FAM47E: variants seen among roughly 807,000 people sequenced by gnomAD.
FAM47E encodes protein FAM47E.
A neutral mutation model predicts 41.6 loss-of-function variants in FAM47E; 32 were observed. The ratio of observed to expected loss-of-function variants is 0.77; its 90% CI spans 0.58 to 1.03. The LOEUF (loss-of-function observed/expected upper bound fraction) is 1.03, where lower values mean the gene tolerates loss of function less well. Ranked by LOEUF, FAM47E falls within the 50% of genes least tolerant of loss-of-function variation. FAM47E has a pLI of 0.00. For missense variants in FAM47E, 424 were observed against 485.4 expected, an observed-to-expected ratio of 0.87 and a Z score of 1.19; for synonymous variants, 184 against 188.7, an observed-to-expected ratio of 0.98 and a Z score of 0.20.
chr4:76,266,807 A>C (rs981809142), intron 3 of FAM47E, among the ~76,000 whole-genome samples: 2 of 152,012 alleles, frequency 1.3e-5, no homozygotes, highest in African/African-American at 4.8e-5. Flanking sequence ...CTACTCTTTA[A>C]TTACTCCGCT....
chr4:76,231,827 A>G (rs1440047180), intron 2 of FAM47E, among the ~76,000 whole-genome samples: 1 of 152,222 alleles, frequency 6.6e-6, no homozygotes, highest in Non-Finnish European at 1.5e-5. Flanking sequence ...TTTACTGACC[A>G]TAGGAACCCT....
At chr4:76,256,136 A>T in intron 1 of FAM47E, 42 bp from the exon 2 acceptor site, 1 of 1,528,314 alleles carries the variant, frequency 6.5e-7, no homozygotes, top group Non-Finnish European at 8.8e-7. Flanking sequence ...ATGAACAGGC[A>T]TGTGGTATTC....
intron 6 of FAM47E, chr4:76,279,468 G>A (rs1735259777): frequency 6.6e-6 from 1 of 152,104 alleles, no homozygotes; most frequent in Non-Finnish European, 1.5e-5. Context: ...TGGTTACAGT[G>A]AGCTAATAAA....
At chr4:76,224,077 C>T (rs1330331494) in intron 2 of FAM47E, among the ~76,000 whole-genome samples, 1 of 152,140 alleles carries the variant, frequency 6.6e-6, no homozygotes, top group Admixed American at 6.5e-5. Flanking sequence ...AGGTATTAAA[C>T]CAGAATGTGA....
At chr4:76,247,910 C>CTT (rs753751295), upstream of FAM47E, among the ~76,000 whole-genome samples, 240 of 86,822 alleles carry the variant, frequency 2.8e-3, 9 homozygotes, top group Middle Eastern at 0.015. Flanking sequence ...CACTCTCTCT[C>CTT]TTTTTTTTTT....
intron 2 of FAM47E, among the ~76,000 whole-genome samples, chr4:76,221,554 A>G (rs1013541985): frequency 6.6e-6 from 1 of 152,138 alleles, no homozygotes; most frequent in Non-Finnish European, 1.5e-5. Context: ...TCCTGACCTC[A>G]GGTGATCCAT....
At chr4:76,219,042 T>C (rs1212705225) in intron 2 of FAM47E, among the ~76,000 whole-genome samples, 4 of 152,234 alleles carry the variant, frequency 2.6e-5, no homozygotes, top group Non-Finnish European at 5.9e-5. Flanking sequence ...AAGGTATTAC[T>C]AAATCCAAGT....
chr4:76,232,397 C>T (rs750436471), intron 2 of FAM47E, among the ~76,000 whole-genome samples: 9 of 152,024 alleles, frequency 5.9e-5, no homozygotes, highest in African/African-American at 7.2e-5. Flanking sequence ...TACAGTTCTA[C>T]GGCTTATTCT....
At chr4:76,240,049 T>C (rs1289064763) in intron 2 of FAM47E, among the ~76,000 whole-genome samples, 1 of 152,242 alleles carries the variant, frequency 6.6e-6, no homozygotes, top group African/African-American at 2.4e-5. Context: ...CTGTGTTCTA[T>C]TCCATTGGTC....
intron 3 of FAM47E, among the ~76,000 whole-genome samples, chr4:76,265,997 C>T (rs556593696): frequency 8.9e-4 from 136 of 152,374 alleles, no homozygotes; most frequent in African/African-American, 3.0e-3. Flanking sequence ...CACCACTCCA[C>T]TGACCTGACC....
chr4:76,237,360 T>C (rs945011627), intron 2 of FAM47E, among the ~76,000 whole-genome samples: 3 of 112,236 alleles, frequency 2.7e-5, no homozygotes, highest in African/African-American at 1.0e-4. Context: ...AGTTTTTTTT[T>C]TTTTGTTTGT....
intron 2 of FAM47E, among the ~76,000 whole-genome samples, chr4:76,230,541 G>T (rs573084930): frequency 1.8e-4 from 28 of 152,238 alleles, no homozygotes; most frequent in Non-Finnish European, 3.5e-4. Context: ...AGCAGTTCCT[G>T]TTCAACACCT....
At chr4:76,256,770 T>C (rs1235378633) in intron 2 of FAM47E, among the ~76,000 whole-genome samples, 1 of 152,190 alleles carries the variant, frequency 6.6e-6, no homozygotes, top group African/African-American at 2.4e-5. Context: ...TTTACAAAGA[T>C]GCCACAAACC....
chr4:76,264,832 G>C (rs1220830268), intron 3 of FAM47E, among the ~76,000 whole-genome samples: 5 of 152,196 alleles, frequency 3.3e-5, no homozygotes, highest in African/African-American at 1.2e-4. Flanking sequence ...CTGGCCTCAA[G>C]TGATCTGCCC....
chr4:76,268,571 T>C (rs926733772), intron 3 of FAM47E, 89 bp from the exon 4 acceptor site: 1 of 1,349,376 alleles, frequency 7.4e-7, no homozygotes, highest in African/African-American at 1.5e-5. Context: ...ATACTTGCTT[T>C]ATGATTTCCT....
chr4:76,222,938 G>C (rs534044531), intron 2 of FAM47E, among the ~76,000 whole-genome samples: 152 of 152,260 alleles, frequency 1.0e-3, no homozygotes, highest in Non-Finnish European at 1.8e-3. Flanking sequence ...AGAGGCCCAG[G>C]TGAAGCCTCG....
At position 76,271,648 on chromosome 4, in the gene FAM47E, C is replaced by T. The variant is rs1335353790; in HGVS notation, c.750C>T (p.Leu250=). Reference sequence around the variant, plus strand: ...AGACCAAACCAAGCCATGATGCGCTCCACACGATGAAGCTAAATCAGGTTC... The same window carrying T: ...AGACCAAACCAAGCCATGATGCGCTTCACACGATGAAGCTAAATCAGGTTC... The part of the protein sequence containing the change: ...DYETKPSHDA[L]HTMKLNQVPL... The change falls in exon 5 of 8, where the codon CTC becomes CTT. Residue 250 remains leucine (L), a synonymous_variant. Transcript: ENST00000424749. 9.7e-6 allele frequency: 15 copies of T among 1,552,046 alleles called. No homozygotes were observed. In the East Asian group the frequency reaches 1.5e-4, roughly 15 times the overall value.
At chr4:76,223,271 G>A (rs1423176943) in intron 2 of FAM47E, among the ~76,000 whole-genome samples, 1 of 152,146 alleles carries the variant, frequency 6.6e-6, no homozygotes, top group Non-Finnish European at 1.5e-5. Context: ...ACAGTGCTTG[G>A]CCTGTGAAAG....
At chr4:76,254,681 T>C (rs1734115175) in intron 1 of FAM47E, among the ~76,000 whole-genome samples, 1 of 152,096 alleles carries the variant, frequency 6.6e-6, no homozygotes. Context: ...AGGATTAGAT[T>C]TGGTGTAAAA....
Sources: allele counts gnomAD v4.1 joint callset (sites outside exome capture counted in the v4.1 genomes callset), GRCh38; gene constraint gnomAD v4.1.1; transcripts MANE v1.5; gene names NCBI Gene and HGNC (gene_info 2026-07-23, HGNC 2026-07-21).